The following CD53 variants were observed in gnomAD, a reference collection of about 807,000 sequenced individuals.
CD53 encodes the protein CD53 molecule.
CD53 carries 20 observed loss-of-function variants against 27.3 expected under a neutral mutation model. The ratio of observed to expected loss-of-function variants is 0.73; its 90% confidence interval spans 0.52 to 1.07. The LOEUF (loss-of-function observed/expected upper bound fraction) is 1.07. Among genes scored for constraint, CD53 ranks in the 50% least tolerant of loss-of-function variants. The pLI, the probability that CD53 is intolerant of heterozygous loss-of-function variation, is 0.00. For synonymous variants in CD53, 106 were observed against 105.3 expected (o/e 1.01, Z -0.04); for missense variants, 216 against 264.0 (o/e 0.82, Z 1.26).
At chr1:110,884,979 GT>G (rs949335898) in intron 1 of CD53, among the ~76,000 whole-genome samples, 2 of 151,902 alleles carry the variant, frequency 1.3e-5, no homozygotes, top group African/African-American at 4.8e-5. Flanking sequence ...TAGCATATTT[GT>G]TTTTTATTTG....
chr1:110,893,145 G>A (rs1656922265), intron 3 of CD53, among the ~76,000 whole-genome samples: 1 of 152,340 alleles, frequency 6.6e-6, no homozygotes, highest in East Asian at 1.9e-4. Flanking sequence ...CACAGTGCCT[G>A]TAGAGCACTG....
intron 1 of CD53, among the ~76,000 whole-genome samples, chr1:110,878,672 T>G (rs1656220584): frequency 6.6e-6 from 1 of 152,220 alleles, no homozygotes; most frequent in Non-Finnish European, 1.5e-5. Context: ...ATATATATTC[T>G]CAATCTTAGC....
chr1:110,891,216 A>T (rs1365819896), intron 1 of CD53, among the ~76,000 whole-genome samples, 176 bp from the exon 2 acceptor site: 7 of 152,258 alleles, frequency 4.6e-5, no homozygotes, highest in Non-Finnish European at 8.8e-5. Flanking sequence ...GTCTAAGATG[A>T]GCCAGTTGGT....
At chr1:110,887,219 A>T (rs60086695) in intron 1 of CD53, among the ~76,000 whole-genome samples, 30,972 of 151,580 alleles carry the variant, frequency 0.2, 3,386 homozygotes, top group Non-Finnish European at 0.24. Context: ...GCCCACCACC[A>T]CGCCTGGCTA....
intron 5 of CD53, among the ~76,000 whole-genome samples, 190 bp from the exon 6 acceptor site, chr1:110,896,463 G>A (rs1422689276): frequency 6.6e-6 from 1 of 152,154 alleles, no homozygotes; most frequent in Non-Finnish European, 1.5e-5. Context: ...ACTCCACAGG[G>A]ATCTTATGTG....
At chr1:110,893,241 G>A (rs191625159) in intron 3 of CD53, among the ~76,000 whole-genome samples, 4 of 152,294 alleles carry the variant, frequency 2.6e-5, no homozygotes, top group Admixed American at 1.3e-4. Flanking sequence ...TAATCACATT[G>A]GTTCTTCCTT....
intron 5 of CD53, among the ~76,000 whole-genome samples, chr1:110,896,075 TTTAATCTATAA>T (rs1179273545): frequency 2.6e-5 from 4 of 152,242 alleles, no homozygotes; most frequent in African/African-American, 9.6e-5. Flanking sequence ...CTATTTATCT[TTTAATCTATAA>T]TAGTACACCT....
At chr1:110,887,643 G>C (rs1656680782) in intron 1 of CD53, among the ~76,000 whole-genome samples, 1 of 152,202 alleles carries the variant, frequency 6.6e-6, no homozygotes, top group Admixed American at 6.5e-5. Context: ...ACAGTGTTCA[G>C]TCTAGAGCTA....
rs1265321319 is a variant in CD53, at chr1:110,899,183, C to G, written c.648C>G (p.Thr216=). ...LNCQIDKTSQ[T]IGL is the part of the protein sequence containing the mutation. ...GCCAGATTGACAAAACCAGCCAGAC[C>G]ATAGGGCTATGATCTGCAGTAGTCC... is the stretch of plus-strand genomic sequence containing the variant. Residue 216 remains threonine (T), a synonymous_variant, in exon 8 of 8, where the codon ACC becomes ACG. Coordinates refer to ENST00000271324, the MANE Select transcript of CD53 (RefSeq NM_000560.4). 1 of 1,612,832 alleles carries G rather than the reference C, an allele frequency of 6.2e-7. No homozygotes were observed. Among genetic ancestry groups the G allele is most frequent in the Admixed American group, 1.7e-5 (1 of 60,006 alleles).
intron 3 of CD53, chr1:110,892,805 G>A (rs1027816508): frequency 2.9e-6 from 1 of 344,074 alleles, no homozygotes; most frequent in African/African-American, 2.1e-5. Context: ...CCCCTTTATA[G>A]CATTTTATTT....
intron 1 of CD53, among the ~76,000 whole-genome samples, chr1:110,887,129 T>C (rs971154691): frequency 1.5e-4 from 23 of 151,900 alleles, no homozygotes; most frequent in African/African-American, 5.3e-4. Flanking sequence ...AGTGGCGCGA[T>C]CTCGGCTCAC....
chr1:110,878,945 C>G lies in CD53; in HGVS notation c.-18+5697C>G, dbSNP rs190723776. ...GCATTTATTTATTTATCTTTTATTA[C>G]TGAAATTTAACATTTTCAATTTGTT... On this transcript the variant is annotated intron_variant, in intron 1 of 7. Transcript: ENST00000271324. Among the ~76,000 whole-genome samples, 4 of 152,228 alleles carry G rather than the reference C, an allele frequency of 2.6e-5. No individual in the cohort carries two copies. The East Asian group carries it at 7.7e-4, about 29-fold the overall frequency.
At chr1:110,875,187 T>C (rs1017979695) in intron 1 of CD53, among the ~76,000 whole-genome samples, 2 of 152,190 alleles carry the variant, frequency 1.3e-5, no homozygotes, top group Non-Finnish European at 2.9e-5. Flanking sequence ...AAGAAGTGTG[T>C]ACCTCCAGGC....
chr1:110,886,869 A>ATTTATTTT (rs1656636156), intron 1 of CD53, among the ~76,000 whole-genome samples: 1 of 82,800 alleles, frequency 1.2e-5, no homozygotes. Flanking sequence ...ATATATATAT[A>ATTTATTTT]TTTTTTTTTT....
At chr1:110,885,564 C>A (rs890234161) in intron 1 of CD53, among the ~76,000 whole-genome samples, 5 of 145,306 alleles carry the variant, frequency 3.4e-5, no homozygotes, top group Admixed American at 2.7e-4. Context: ...ACAACAACAA[C>A]AAAAAAAGAG....
chr1:110,896,905 A>G (rs2070750), intron 6 of CD53, among the ~76,000 whole-genome samples, 172 bp downstream of exon 6: 98,534 of 152,082 alleles, frequency 0.65, 33,736 homozygotes, highest in Non-Finnish European at 0.77. Flanking sequence ...AAAAACATAC[A>G]AACAAACTCA....
At chr1:110,873,745 C>T (rs577289216) in intron 1 of CD53, among the ~76,000 whole-genome samples, 2 of 152,232 alleles carry the variant, frequency 1.3e-5, no homozygotes, top group Admixed American at 6.5e-5. Context: ...TCTTCAAAGC[C>T]ACTAAATAGA....
intron 1 of CD53, among the ~76,000 whole-genome samples, chr1:110,887,601 T>G (rs1656679299): frequency 6.6e-6 from 1 of 152,210 alleles, no homozygotes; most frequent in Non-Finnish European, 1.5e-5. Flanking sequence ...TTTAATATCT[T>G]GGGCCCTTAC....
At position 110,890,581 on chromosome 1, in the gene CD53, G is replaced by GAGAGAAAGAGAA. The variant is rs145610379; in HGVS notation, c.-17-802_-17-791dup. 3.5e-4 allele frequency among the ~76,000 whole-genome samples: 53 copies of GAGAGAAAGAGAA among 149,812 alleles called. No individual in the cohort carries two copies. The South Asian group carries it at 4.2e-3, about 12-fold the overall frequency. On this transcript the variant is annotated intron_variant, in intron 1 of 7. Coordinates refer to ENST00000271324, the MANE Select transcript of CD53 (RefSeq NM_000560.4). ...GACCCTGAAAGAAGAAAGAAAGAAA[G>GAGAGAAAGAGAA]AGAGAAAGAGAAAGAGAAAGGAAAG...
Sources: allele counts gnomAD v4.1 joint callset (sites outside exome capture counted in the v4.1 genomes callset), GRCh38; gene constraint gnomAD v4.1.1; transcripts MANE v1.5; gene names NCBI Gene and HGNC (gene_info 2026-07-23, HGNC 2026-07-21).